Variants in MMD2 observed in about 807,000 individuals in gnomAD.
MMD2 encodes the protein monocyte to macrophage differentiation factor 2.
Under a neutral mutation model 33.5 loss-of-function variants are expected in MMD2, and 30 were observed. That is an observed-to-expected ratio of 0.90 (90% CI 0.67 to 1.22). The LOEUF (loss-of-function observed/expected upper bound fraction) is 1.22, where lower values mean the gene tolerates loss of function less well. Ranked by LOEUF, MMD2 falls within the 50% of genes most tolerant of loss-of-function variation. MMD2 has a pLI of 0.00. For missense variants in MMD2, 364 were observed against 325.4 expected (o/e 1.12, Z -0.91); for synonymous variants, 129 against 123.0 (o/e 1.05, Z -0.32).
At chr7:4,911,023 C>G (rs1784992767) in intron 5 of MMD2, 122 bp downstream of exon 5, 3 of 809,846 alleles carry the variant, frequency 3.7e-6, no homozygotes, top group Non-Finnish European at 5.8e-6. Context: ...AATGACGTGA[C>G]AGCCAGAGCT....
chr7:4,937,554 G>A (rs1178515832), intron 1 of MMD2, among the ~76,000 whole-genome samples: 3 of 152,144 alleles, frequency 2.0e-5, no homozygotes, highest in Middle Eastern at 3.4e-3. Context: ...TGTCATTCAC[G>A]CTGAAACGCA....
intron 1 of MMD2, among the ~76,000 whole-genome samples, chr7:4,958,261 C>T (rs78804436): frequency 0.14 from 21,001 of 152,158 alleles, 1,765 homozygotes; most frequent in Admixed American, 0.22. Context: ...CATCTCCCAA[C>T]AAAATCTTAA....
chr7:4,947,147 G>C (rs955945650), intron 1 of MMD2, among the ~76,000 whole-genome samples: 1 of 151,926 alleles, frequency 6.6e-6, no homozygotes, highest in Admixed American at 6.6e-5. Context: ...GGTGGAGTTT[G>C]CAGTAAGCTG....
At chr7:4,894,386 T>C in the MMD2 span, among the ~76,000 whole-genome samples, 3 of 152,226 alleles carry the variant, frequency 2.0e-5, no homozygotes, top group African/African-American at 4.8e-5. This position sits in a 1 kb window ranked among gnomAD's most constrained non-coding sequence, Gnocchi z 4.3. Flanking sequence ...GGGGCCTTTC[T>C]GATCCTGGAG....
chr7:4,924,280 C>A (rs1367263480), intron 2 of MMD2, among the ~76,000 whole-genome samples: 1 of 152,264 alleles, frequency 6.6e-6, no homozygotes, highest in Non-Finnish European at 1.5e-5. Flanking sequence ...TCAGCACCAG[C>A]CACTCCTTTC....
chr7:4,929,410 C>A (rs1186803280), intron 1 of MMD2, among the ~76,000 whole-genome samples: 5 of 152,060 alleles, frequency 3.3e-5, no homozygotes, highest in South Asian at 2.1e-4. Flanking sequence ...CCATTGAAGC[C>A]CCCCCCAGGA....
the MMD2 span, among the ~76,000 whole-genome samples, chr7:4,900,790 C>T: frequency 2.0e-5 from 3 of 152,264 alleles, no homozygotes; most frequent in South Asian, 2.1e-4. Flanking sequence ...CCTGCCGCCT[C>T]CTCTCCACAC....
intron 1 of MMD2, among the ~76,000 whole-genome samples, chr7:4,938,413 G>A (rs1300903787): frequency 1.3e-5 from 2 of 152,078 alleles, no homozygotes; most frequent in Non-Finnish European, 2.9e-5. Context: ...GAATCCCGAG[G>A]CAGTGTGGGG....
intron 1 of MMD2, among the ~76,000 whole-genome samples, chr7:4,950,666 C>T (rs1413259883): frequency 1.3e-5 from 2 of 151,606 alleles, no homozygotes; most frequent in East Asian, 1.9e-4. Context: ...CAGGCTACCG[C>T]GTGTGCCAGA....
intron 1 of MMD2, among the ~76,000 whole-genome samples, chr7:4,933,125 C>T (rs1358162691): frequency 2.0e-5 from 3 of 152,054 alleles, no homozygotes; most frequent in Non-Finnish European, 4.4e-5. Context: ...CCTGTAATCC[C>T]AGCGCTTTGG....
intron 1 of MMD2, among the ~76,000 whole-genome samples, chr7:4,928,647 T>G (rs1004417659): frequency 4.0e-5 from 6 of 149,686 alleles, no homozygotes; most frequent in Non-Finnish European, 7.4e-5. Flanking sequence ...TAAGTGCAGC[T>G]CATGGAGCAT....
intron 3 of MMD2, among the ~76,000 whole-genome samples, chr7:4,919,005 A>G (rs867130395): frequency 5.3e-5 from 8 of 152,084 alleles, no homozygotes; most frequent in South Asian, 2.1e-4. Flanking sequence ...AGGCTGAGAT[A>G]AGAGGATCGC....
intron 3 of MMD2, among the ~76,000 whole-genome samples, chr7:4,918,366 A>G (rs542619015): frequency 6.6e-6 from 1 of 152,280 alleles, no homozygotes; most frequent in South Asian, 2.1e-4. Flanking sequence ...TAGAAATTAA[A>G]GGGAGTGGCA....
At chr7:4,929,495 ATGTT>A (rs372195919) in intron 1 of MMD2, among the ~76,000 whole-genome samples, 39 of 151,716 alleles carry the variant, frequency 2.6e-4, no homozygotes, top group African/African-American at 6.8e-4. Flanking sequence ...AGACTGGCTT[ATGTT>A]TGTTTGTTTG....
chr7:4,892,389 A>G, the MMD2 span, among the ~76,000 whole-genome samples: 1 of 152,030 alleles, frequency 6.6e-6, no homozygotes, highest in African/African-American at 2.4e-5. Flanking sequence ...GGAGTACAAG[A>G]CCAGCATCGC....
At chr7:4,919,345 G>A (rs1785217148) in intron 3 of MMD2, among the ~76,000 whole-genome samples, 1 of 152,070 alleles carries the variant, frequency 6.6e-6, no homozygotes, top group South Asian at 2.1e-4. Context: ...GAAGCAGGTG[G>A]ATCACTAGAG....
intron 1 of MMD2, among the ~76,000 whole-genome samples, chr7:4,947,859 T>G (rs1165240779): frequency 1.3e-5 from 2 of 150,760 alleles, no homozygotes; most frequent in African/African-American, 4.9e-5. Context: ...CCTCCACACC[T>G]GGCTAATTTT....
At chr7:4,925,370 C>T (rs976058430) in intron 2 of MMD2, 81 bp downstream of exon 2, 13 of 1,160,066 alleles carry the variant, frequency 1.1e-5, no homozygotes, top group African/African-American at 6.3e-5. Context: ...TTAGGACATA[C>T]GTGAAGGAGG....
intron 1 of MMD2, among the ~76,000 whole-genome samples, chr7:4,945,196 T>TC (rs1562493778): frequency 8.1e-4 from 110 of 135,664 alleles, no homozygotes; most frequent in African/African-American, 2.9e-3. Context: ...TTCTTCTTCT[T>TC]CTTCTTCTTC....
Sources: allele counts gnomAD v4.1 joint callset (sites outside exome capture counted in the v4.1 genomes callset), GRCh38; gene constraint gnomAD v4.1.1; non-coding constraint Gnocchi (gnomAD v3.1); transcripts MANE v1.5; gene names NCBI Gene and HGNC (gene_info 2026-07-23, HGNC 2026-07-21).